The following EEPD1 variants were observed in gnomAD, a reference collection of about 807,000 sequenced individuals.
EEPD1 encodes endonuclease/exonuclease/phosphatase family domain-containing protein 1.
A neutral mutation model predicts 46.3 loss-of-function variants in EEPD1; 17 were observed. That is an observed-to-expected ratio of 0.37 (90% CI 0.25 to 0.55). The LOEUF is 0.55. EEPD1 is among the 20% of genes least tolerant of loss of function. The pLI is 0.83. For missense variants in EEPD1, 673 were observed against 745.6 expected (o/e 0.90, Z 1.13); for synonymous variants, 313 against 315.6 (o/e 0.99, Z 0.09).
At chr7:36,189,971 T>C (rs1785432653) in intron 2 of EEPD1, among the ~76,000 whole-genome samples, 1 of 151,984 alleles carries the variant, frequency 6.6e-6, no homozygotes, top group Admixed American at 6.6e-5. Context: ...CTGGGCAATG[T>C]AGTGAGAGCC....
chr7:36,232,178 T>G (rs1341986075), intron 2 of EEPD1, among the ~76,000 whole-genome samples: 2 of 151,866 alleles, frequency 1.3e-5, no homozygotes, highest in African/African-American at 4.8e-5. Context: ...TTGCTGGTTT[T>G]TTTTTTTTTT....
chr7:36,269,305 G>GA (rs367699552), intron 3 of EEPD1, among the ~76,000 whole-genome samples: 8 of 152,084 alleles, frequency 5.3e-5, no homozygotes, highest in Non-Finnish European at 1.0e-4. Flanking sequence ...GTCTTCAGAT[G>GA]AAAAAAACTA....
At chr7:36,243,122 A>C (rs1014480670) in intron 3 of EEPD1, among the ~76,000 whole-genome samples, 1 of 152,222 alleles carries the variant, frequency 6.6e-6, no homozygotes, top group African/African-American at 2.4e-5. Context: ...GAAACGTAGA[A>C]TCTCAGCTCC....
intron 2 of EEPD1, among the ~76,000 whole-genome samples, chr7:36,178,182 A>G (rs1785216061): frequency 6.6e-6 from 1 of 152,182 alleles, no homozygotes; most frequent in African/African-American, 2.4e-5. Context: ...AGTGTAAAGC[A>G]CTTGCACCAC....
intron 2 of EEPD1, among the ~76,000 whole-genome samples, chr7:36,172,026 T>C (rs1023323244): frequency 1.3e-5 from 2 of 152,258 alleles, no homozygotes; most frequent in African/African-American, 4.8e-5. Context: ...ATACATACAA[T>C]ATAAATAATA....
chr7:36,242,768 C>CAA (rs34909516), intron 3 of EEPD1, among the ~76,000 whole-genome samples: 14 of 85,364 alleles, frequency 1.6e-4, no homozygotes, highest in South Asian at 1.2e-3. Flanking sequence ...AATAAAAATA[C>CAA]AAAAAAAAAA....
At chr7:36,166,103 A>T (rs573285878) in intron 2 of EEPD1, among the ~76,000 whole-genome samples, 12 of 152,362 alleles carry the variant, frequency 7.9e-5, no homozygotes, top group African/African-American at 2.2e-4. Flanking sequence ...ATTGAATTTT[A>T]AAGTCTGATT....
In EEPD1 at chr7:36,297,092, C is replaced by G; in HGVS notation, c.1415C>G (p.Ala472Gly). 6.2e-7 allele frequency: 1 copy of G among 1,614,214 alleles called. No individual in the cohort carries two copies. The highest frequency in any genetic ancestry group is 8.5e-7 in the Non-Finnish European group (1 of 1,180,034). ...GAAAAGTTCCACCACCTGATCCCCG[C>G]GCACACCTTCACCAACATCAGCACC... Reference protein sequence around the residue: ...RKEKFHHLIPAHTFTNISTKN... With the variant: ...RKEKFHHLIPGHTFTNISTKN... Residue 472 changes from alanine (A) to glycine (G), a missense_variant, in exon 7 of 8, where the codon GCG (alanine) becomes GGG (glycine). Ala to Gly is a moderately conservative substitution (Grantham distance 60, BLOSUM62 0). Coordinates refer to ENST00000242108, the MANE Select transcript of EEPD1 (RefSeq NM_030636.3).
At chr7:36,238,090 A>C (rs183142390) in intron 2 of EEPD1, among the ~76,000 whole-genome samples, 74 of 152,326 alleles carry the variant, frequency 4.9e-4, no homozygotes, top group Middle Eastern at 3.4e-3. Context: ...TAGACCATAT[A>C]GGGTAACTTC....
intron 2 of EEPD1, among the ~76,000 whole-genome samples, chr7:36,165,964 A>G (rs1784975952): frequency 6.6e-6 from 1 of 152,254 alleles, no homozygotes; most frequent in Non-Finnish European, 1.5e-5. Context: ...TCAGCAATGC[A>G]GATGAACTGC....
chr7:36,177,475 G>A (rs757074535), intron 2 of EEPD1, among the ~76,000 whole-genome samples: 3 of 152,030 alleles, frequency 2.0e-5, no homozygotes, highest in Non-Finnish European at 4.4e-5. Context: ...ATGTCCATGT[G>A]TACCTAGTGC....
intron 2 of EEPD1, among the ~76,000 whole-genome samples, chr7:36,213,801 C>T (rs909204095): frequency 2.0e-5 from 3 of 152,082 alleles, no homozygotes; most frequent in Admixed American, 1.3e-4. Flanking sequence ...GATTGGTGGG[C>T]GTGTACCCCC....
At chr7:36,261,959 A>G (rs196565) in intron 3 of EEPD1, among the ~76,000 whole-genome samples, 18,758 of 152,214 alleles carry the variant, frequency 0.12, 1,571 homozygotes, top group Non-Finnish European at 0.18. Flanking sequence ...CAAGATTTCA[A>G]ATTTTTGGAA....
chr7:36,166,823 C>G (rs1356061122), intron 2 of EEPD1, among the ~76,000 whole-genome samples: 1 of 152,178 alleles, frequency 6.6e-6, no homozygotes, highest in African/African-American at 2.4e-5. Flanking sequence ...GGAAAATGAT[C>G]ACTGTTACTA....
intron 5 of EEPD1, among the ~76,000 whole-genome samples, chr7:36,287,254 A>AAAC (rs1440364232): frequency 6.6e-6 from 1 of 150,502 alleles, no homozygotes; most frequent in African/African-American, 2.4e-5. Flanking sequence ...AAAAAAAAAA[A>AAAC]AAAAAAAAAG....
chr7:36,155,306 A>C (rs1784809501), intron 2 of EEPD1, 104 bp downstream of exon 2: 1 of 1,324,410 alleles, frequency 7.6e-7, no homozygotes, highest in Non-Finnish European at 9.9e-7. Flanking sequence ...GGGAGGGTGC[A>C]AGAGTTTTTA....
intron 2 of EEPD1, among the ~76,000 whole-genome samples, chr7:36,187,249 A>G (rs188571263): frequency 5.1e-4 from 77 of 152,328 alleles, no homozygotes; most frequent in Admixed American, 2.5e-3. Flanking sequence ...AATGGTGGTA[A>G]AATATACCTC....
intron 3 of EEPD1, among the ~76,000 whole-genome samples, chr7:36,245,016 GC>G (rs1453648185): frequency 5.9e-5 from 9 of 151,986 alleles, no homozygotes; most frequent in Admixed American, 2.0e-4. Context: ...TATGATCTCG[GC>G]TCACTGCAAC....
intron 2 of EEPD1, among the ~76,000 whole-genome samples, chr7:36,200,176 C>G (rs1462602342): frequency 6.6e-6 from 1 of 151,886 alleles, no homozygotes; most frequent in Admixed American, 6.6e-5. Flanking sequence ...TTGTTCCCCT[C>G]TTTGTGTCTG....
Sources: gnomAD v4.1 joint callset for allele counts (sites outside exome capture counted in the v4.1 genomes callset) on GRCh38, gnomAD v4.1.1 for gene constraint, MANE v1.5 for transcripts, NCBI Gene and HGNC (gene_info 2026-07-23, HGNC 2026-07-21) for gene names.